The following ACAD9 variants were observed in gnomAD, a reference collection of about 807,000 sequenced individuals.
ACAD9 encodes the protein complex I assembly factor ACAD9, mitochondrial.
ACAD9 carries 53 observed loss-of-function variants against 70.2 expected under a neutral mutation model. That is an observed-to-expected ratio of 0.75 (90% CI 0.61 to 0.95). The LOEUF (loss-of-function observed/expected upper bound fraction) is 0.95. ACAD9 is among the 40% of genes least tolerant of loss of function. ACAD9 has a pLI of 0.00. For synonymous variants in ACAD9, 313 were observed against 312.1 expected (o/e 1.00, Z -0.03); for missense variants, 777 against 802.8 (o/e 0.97, Z 0.39).
chr3:128,902,711 G>A lies in ACAD9; in HGVS notation c.958+83G>A. The A allele has an allele frequency of 6.8e-7, 1 of 1,472,378 alleles. No individual in the cohort carries two copies. Among genetic ancestry groups the A allele is most frequent in the East Asian group, 2.4e-5 (1 of 41,666 alleles). The allele number at this position is 1,472,378 out of a possible 1,614,324, so 91.2% of individuals were successfully genotyped here. ...CCCTGGAGGCTCTGCCATTCCCCCGGCCCCTTCCAGGCCAGTGCTGAACCA... is the reference window on the plus strand; with the variant it reads ...CCCTGGAGGCTCTGCCATTCCCCCGACCCCTTCCAGGCCAGTGCTGAACCA... On this transcript the variant is annotated intron_variant, in intron 9 of 17. Coordinates refer to ENST00000308982, the MANE Select transcript of ACAD9 (RefSeq NM_014049.5). The surrounding 1 kb of genome is among the most constrained non-coding windows in gnomAD (Gnocchi z 4.0).
intron 11 of ACAD9, 44 bp downstream of exon 11, chr3:128,904,549 G>T: frequency 6.2e-7 from 1 of 1,600,702 alleles, no homozygotes. Context: ...AGGGAGGCTT[G>T]GGAAATCTCC....
At chr3:128,892,649 A>G (rs976633038) in intron 2 of ACAD9, among the ~76,000 whole-genome samples, 10 of 152,182 alleles carry the variant, frequency 6.6e-5, no homozygotes, top group African/African-American at 2.4e-4. Flanking sequence ...GAGCCTCCCA[A>G]GTAGCTGAGA....
intron 13 of ACAD9, 109 bp downstream of exon 13, chr3:128,908,373 G>A (rs1389831657): frequency 6.0e-6 from 8 of 1,338,584 alleles, no homozygotes; most frequent in Non-Finnish European, 5.3e-6. Context: ...GGGGGCATGG[G>A]GGTGTGGCGC....
intron 2 of ACAD9, among the ~76,000 whole-genome samples, chr3:128,891,386 C>T (rs527678332): frequency 1.3e-5 from 2 of 151,938 alleles, no homozygotes; most frequent in Non-Finnish European, 2.9e-5. Flanking sequence ...TTAGGGAAGC[C>T]GAGGCTGTCA....
intron 8 of ACAD9, 91 bp downstream of exon 8, chr3:128,901,440 A>G (rs1576342346): frequency 7.2e-7 from 1 of 1,398,390 alleles, no homozygotes; most frequent in Non-Finnish European, 1.0e-6. Context: ...CTCGTAGCAG[A>G]GTAGCCTGTG....
chr3:128,890,073 A>G (rs780438331), intron 2 of ACAD9, among the ~76,000 whole-genome samples: 41 of 151,816 alleles, frequency 2.7e-4, no homozygotes, highest in Admixed American at 9.8e-4. Context: ...TGATCTTCCT[A>G]CCTCAGCCTC....
intron 7 of ACAD9, 74 bp from the exon 8 acceptor site, chr3:128,901,202 G>GAATT: frequency 7.4e-7 from 1 of 1,342,878 alleles, no homozygotes; most frequent in Non-Finnish European, 1.1e-6. Context: ...ATGGATGGAT[G>GAATT]AATTGCCTGC....
Position 128,906,133 on chromosome 3 carries a change from G to T in ACAD9, c.1162G>T (p.Glu388Ter). 1.9e-6 allele frequency: 3 copies of T among 1,614,152 alleles called. No individual in the cohort carries two copies. Among genetic ancestry groups the T allele is most frequent in the Non-Finnish European group, 2.5e-6 (3 of 1,180,028 alleles). ...TGACACCCCACAGGTGTTCAGCTCC[G>T]AGGCCGCCTGGCAGTGTGTGAGTGA... Reference protein sequence around the residue: ...EAAMVKVFSSEAAWQCVSEAL... With the variant: ...EAAMVKVFSS Residue 388 changes from glutamate (E) to a stop codon, truncating the protein, a stop_gained, in exon 12 of 18, where the codon GAG becomes TAG. Coordinates refer to ENST00000308982, the MANE Select transcript of ACAD9 (RefSeq NM_014049.5). LOFTEE classifies it high-confidence loss of function.
rs1193667784 is a variant in ACAD9, at chr3:128,912,977, C to T, written c.*370C>T. 1 of 472,754 alleles carries T rather than the reference C, an allele frequency of 2.1e-6. No homozygotes were observed. Among genetic ancestry groups the T allele is most frequent in the African/African-American group, 2.0e-5 (1 of 50,786 alleles). 29.3% of individuals were successfully genotyped at this position (472,754 alleles called of 1,614,324 possible). On this transcript the variant is annotated 3_prime_UTR_variant, in exon 18 of 18. Coordinates refer to ENST00000308982, the MANE Select transcript of ACAD9 (RefSeq NM_014049.5). ...TGTCAGGTGTGGATAGCCATTTCTG[C>T]TCAACCACACATTCTCTAAGAAACA...
chr3:128,882,207 A>G (rs789228), intron 1 of ACAD9, among the ~76,000 whole-genome samples: 59,744 of 151,922 alleles, frequency 0.39, 13,542 homozygotes, highest in African/African-American at 0.62. Context: ...CTACCTTTGT[A>G]CTCAAAAGCT....
intron 1 of ACAD9, among the ~76,000 whole-genome samples, chr3:128,881,342 C>T (rs561825891): frequency 1.7e-4 from 26 of 152,344 alleles, no homozygotes; most frequent in Middle Eastern, 3.4e-3. Flanking sequence ...TTACTCTCAG[C>T]TGTCAGCTTT....
At chr3:128,880,221 G>C (rs1034818518) in intron 1 of ACAD9, 59 of 381,594 alleles carry the variant, frequency 1.5e-4, no homozygotes, top group Non-Finnish European at 2.1e-4. Context: ...TCACCTTCCA[G>C]CGCCCTGGGG....
chr3:128,909,460 TC>T, intron 15 of ACAD9, 39 bp downstream of exon 15: 3 of 1,600,266 alleles, frequency 1.9e-6, no homozygotes, highest in Non-Finnish European at 2.6e-6. Context: ...CAAGCGGTCC[TC>T]CAATTTGGCC....
chr3:128,904,288 G>A, intron 10 of ACAD9, 98 bp from the exon 11 acceptor site: 1 of 1,605,190 alleles, frequency 6.2e-7, no homozygotes, highest in African/African-American at 1.3e-5. Context: ...CTTCTCTTGG[G>A]CATTGAGGCT....
chr3:128,890,581 AG>A (rs1160400875), intron 2 of ACAD9, among the ~76,000 whole-genome samples: 2 of 151,798 alleles, frequency 1.3e-5, no homozygotes, highest in African/African-American at 4.8e-5. Context: ...AGGTGCCTGT[AG>A]TCCCAGCTAC....
At chr3:128,910,317 C>G in intron 16 of ACAD9, 168 bp downstream of exon 16, 1 of 1,481,612 alleles carries the variant, frequency 6.7e-7, no homozygotes, top group Non-Finnish European at 8.9e-7. Flanking sequence ...TGGGGCTGTT[C>G]CCTTTCTTCT....
chr3:128,904,791 A>G (rs960101701), intron 11 of ACAD9, among the ~76,000 whole-genome samples: 1 of 152,134 alleles, frequency 6.6e-6, no homozygotes, highest in African/African-American at 2.4e-5. Context: ...TGTGAGAAAG[A>G]CTTCTTTTTT....
rs2107653848 is a variant in ACAD9, at chr3:128,899,397, A to G, written c.744A>G (p.Glu248=). The G allele has an allele frequency of 6.2e-7, 1 of 1,614,284 alleles. No homozygotes were observed. ...VKDKITAFIV[E]RDFGGVTNGK... ...ACAAAATCACAGCATTCATAGTAGA[A>G]AGAGACTTTGGTGGAGTCACTAATG... Residue 248 remains glutamate (E), a synonymous_variant, in exon 7 of 18, where the codon GAA becomes GAG. Transcript: ENST00000308982.
rs776985147 is a variant in ACAD9, at chr3:128,893,540, T to A, written c.245-15T>A. On this transcript the variant is annotated splice_polypyrimidine_tract_variant and intron_variant, in intron 2 of 17. Coordinates refer to ENST00000308982, the MANE Select transcript of ACAD9 (RefSeq NM_014049.5). ...ATAGCTTATATTTGTTTAATCAAGA[T>A]TTTCCTCTTGGCAGTGGACTCCCGA... is the stretch of plus-strand genomic sequence containing the variant. 66 of 1,593,226 alleles carry A rather than the reference T, an allele frequency of 4.1e-5. No homozygotes were observed. Among genetic ancestry groups the A allele is most frequent in the Non-Finnish European group, 5.6e-5 (65 of 1,161,150 alleles).
Sources: allele counts gnomAD v4.1 joint callset (sites outside exome capture counted in the v4.1 genomes callset), GRCh38; gene constraint gnomAD v4.1.1; non-coding constraint Gnocchi (gnomAD v3.1); transcripts MANE v1.5; gene names NCBI Gene and HGNC (gene_info 2026-07-23, HGNC 2026-07-21).